RASGEF1C: variants seen among roughly 807,000 people sequenced by gnomAD.
The protein encoded by RASGEF1C is RasGEF domain family member 1C.
A neutral mutation model predicts 58.1 loss-of-function variants in RASGEF1C; 27 were observed. That is an observed-to-expected ratio of 0.46 (90% confidence interval 0.34 to 0.64). The LOEUF is 0.64. RASGEF1C is among the 30% of genes least tolerant of loss of function. The pLI, the probability that RASGEF1C is intolerant of heterozygous loss-of-function variation, is 0.01. For synonymous variants in RASGEF1C, 243 were observed against 246.3 expected (o/e 0.99, Z 0.13); for missense variants, 502 against 605.1 (o/e 0.83, Z 1.79).
rs144851732 is a variant in RASGEF1C, at chr5:180,186,351, A to G, written c.-7+22677T>C. Reference sequence around the variant, plus strand: ...AGCAAAGTTGCAGGATACAAGATCAACAAACAAATATCAGCTGTATTTCTA... The same window carrying G: ...AGCAAAGTTGCAGGATACAAGATCAGCAAACAAATATCAGCTGTATTTCTA... On this transcript the variant is annotated intron_variant, in intron 1 of 13. Transcript: ENST00000361132. Among the ~76,000 whole-genome samples, 405 of 152,354 alleles carry G rather than the reference A, an allele frequency of 2.7e-3. 1 individual carries two copies. The highest frequency in any genetic ancestry group is 0.01 in the Middle Eastern group (3 of 294).
intron 12 of RASGEF1C, among the ~76,000 whole-genome samples, chr5:180,103,017 C>A (rs992396339): frequency 3.3e-5 from 5 of 152,196 alleles, no homozygotes; most frequent in African/African-American, 1.2e-4. Context: ...GCTATGCAGT[C>A]TTTGCGTTCG....
intron 4 of RASGEF1C, among the ~76,000 whole-genome samples, chr5:180,128,915 GCAGTGGGGTA>G (rs1344040449): frequency 6.6e-6 from 1 of 152,184 alleles, no homozygotes; most frequent in Admixed American, 6.5e-5. Context: ...GCTGTCTGGG[GCAGTGGGGTA>G]GAGTGGGGTG....
At chr5:180,183,680 C>T (rs1242363822) in intron 1 of RASGEF1C, among the ~76,000 whole-genome samples, 6 of 151,916 alleles carry the variant, frequency 3.9e-5, no homozygotes, top group African/African-American at 1.2e-4. Context: ...CAAAATTAGC[C>T]GGGTGTGGTG....
chr5:180,103,470 A>C (rs1268494200), intron 12 of RASGEF1C, among the ~76,000 whole-genome samples: 3 of 152,098 alleles, frequency 2.0e-5, no homozygotes, highest in Non-Finnish European at 4.4e-5. Context: ...TGGTATTATC[A>C]TTTTAGTTTC....
At chr5:180,208,285 G>T (rs1214049019) in intron 1 of RASGEF1C, among the ~76,000 whole-genome samples, 3 of 152,098 alleles carry the variant, frequency 2.0e-5, no homozygotes, top group African/African-American at 7.2e-5. Context: ...CAGGAGGCAG[G>T]AGATACGGGC....
intron 1 of RASGEF1C, among the ~76,000 whole-genome samples, chr5:180,148,317 C>T (rs1766690527): frequency 6.6e-6 from 1 of 151,958 alleles, no homozygotes; most frequent in Admixed American, 6.6e-5. Context: ...TGTCTTTTGA[C>T]TAGAGAGTGT....
intron 10 of RASGEF1C, among the ~76,000 whole-genome samples, chr5:180,114,806 C>T (rs909405044): frequency 1.3e-5 from 2 of 152,202 alleles, no homozygotes; most frequent in African/African-American, 4.8e-5. Context: ...GTGGTGCCAC[C>T]GCCCGTCCTG....
Position 180,168,641 on chromosome 5 carries a change from A to G in RASGEF1C, c.-6-30583T>C, listed in dbSNP as rs1193098397. On this transcript the variant is annotated intron_variant, in intron 1 of 13. Transcript: ENST00000361132. This position sits in a 1 kb window ranked among gnomAD's most constrained non-coding sequence, Gnocchi z 6.0. ...AGGTGTGGGGGTCAGAGAGTGAAAG[A>G]GAAGCCGGGAGTTCATCTTCCTTGA... 6.6e-6 allele frequency among the ~76,000 whole-genome samples: 1 copy of G among 152,080 alleles called. No homozygotes were observed. Among genetic ancestry groups the G allele is most frequent in the African/African-American group, 2.4e-5 (1 of 41,392 alleles).
intron 4 of RASGEF1C, among the ~76,000 whole-genome samples, chr5:180,131,246 G>A (rs1316778221): frequency 6.6e-6 from 1 of 152,150 alleles, no homozygotes; most frequent in African/African-American, 2.4e-5. Context: ...GCCCTGGCGT[G>A]ACTCTGAGGC....
intron 1 of RASGEF1C, among the ~76,000 whole-genome samples, chr5:180,195,711 G>A (rs1236824776): frequency 4.0e-5 from 6 of 151,130 alleles, no homozygotes; most frequent in East Asian, 3.9e-4. Flanking sequence ...GCAGTGAGCC[G>A]AGATCACACC....
intron 1 of RASGEF1C, among the ~76,000 whole-genome samples, chr5:180,192,752 T>C (rs200089262): frequency 3.7e-5 from 1 of 26,968 alleles, no homozygotes; most frequent in Non-Finnish European, 1.4e-4. Context: ...TGTTTTTTGT[T>C]TTTTTTTTTT....
chr5:180,111,843 G>A (rs916142553), intron 11 of RASGEF1C, among the ~76,000 whole-genome samples: 1 of 152,188 alleles, frequency 6.6e-6, no homozygotes, highest in African/African-American at 2.4e-5. Flanking sequence ...GTTGATTTAT[G>A]TAATTATGCA....
At chr5:180,201,957 T>C (rs977527784) in intron 1 of RASGEF1C, among the ~76,000 whole-genome samples, 1 of 152,212 alleles carries the variant, frequency 6.6e-6, no homozygotes, top group Non-Finnish European at 1.5e-5. Context: ...ACTAACCCAG[T>C]TTCTGATACA....
chr5:180,179,833 C>T (rs1767294939), intron 1 of RASGEF1C, among the ~76,000 whole-genome samples: 1 of 152,220 alleles, frequency 6.6e-6, no homozygotes, highest in Admixed American at 6.5e-5. Flanking sequence ...AAGTCGTGTA[C>T]ATTAAATGAT....
At chr5:180,101,922 C>G in intron 13 of RASGEF1C, 149 bp downstream of exon 13, 1 of 648,722 alleles carries the variant, frequency 1.5e-6, no homozygotes, top group Non-Finnish European at 2.7e-6. Context: ...GCTGAGGCTC[C>G]CAGGAGGCTG....
At chr5:180,140,900 G>A (rs1349571503) in intron 1 of RASGEF1C, among the ~76,000 whole-genome samples, 1 of 152,210 alleles carries the variant, frequency 6.6e-6, no homozygotes, top group African/African-American at 2.4e-5. Context: ...ATATGCTTAG[G>A]TGTCAGGAGC....
chr5:180,138,101 C>T, intron 1 of RASGEF1C, 43 bp from the exon 2 acceptor site: 16 of 1,255,236 alleles, frequency 1.3e-5, no homozygotes, highest in Non-Finnish European at 1.7e-5. Context: ...GGGGGCACAC[C>T]TGAGTTGGGT....
intron 4 of RASGEF1C, among the ~76,000 whole-genome samples, chr5:180,130,321 C>A (rs1011185442): frequency 6.6e-6 from 1 of 152,182 alleles, no homozygotes; most frequent in Non-Finnish European, 1.5e-5. Context: ...CGACCCCTCT[C>A]AGGAAGGCTG....
intron 12 of RASGEF1C, among the ~76,000 whole-genome samples, chr5:180,104,573 G>T (rs749693356): frequency 6.6e-6 from 1 of 152,060 alleles, no homozygotes; most frequent in Non-Finnish European, 1.5e-5. Context: ...ATTTTGTTAC[G>T]GCAGCTCAAA....
Sources: gnomAD v4.1 joint callset for allele counts (sites outside exome capture counted in the v4.1 genomes callset) on GRCh38, gnomAD v4.1.1 for gene constraint, Gnocchi (gnomAD v3.1) non-coding constraint, MANE v1.5 for transcripts, NCBI Gene and HGNC (gene_info 2026-07-23, HGNC 2026-07-21) for gene names.